DISC1: variants seen among roughly 807,000 people sequenced by gnomAD.
DISC1 encodes DISC1 scaffold protein.
In DISC1, 57 loss-of-function variants were observed where a neutral mutation model predicts 84.5. The observed-to-expected ratio is 0.67, with a 90% CI of 0.55 to 0.84. The LOEUF (loss-of-function observed/expected upper bound fraction) is 0.84, where lower values mean the gene tolerates loss of function less well. Among genes scored for constraint, DISC1 ranks in the 40% least tolerant of loss-of-function variants. The pLI, the probability that DISC1 is intolerant of heterozygous loss-of-function variation, is 0.00. For synonymous variants in DISC1, 411 were observed against 415.2 expected, an observed-to-expected ratio of 0.99 and a Z score of 0.12; for missense variants, 1,000 against 1,057.8, an observed-to-expected ratio of 0.95 and a Z score of 0.76.
At chr1:231,841,386 C>A (rs1452877217) in intron 9 of DISC1, among the ~76,000 whole-genome samples, 1 of 152,228 alleles carries the variant, frequency 6.6e-6, no homozygotes, top group Non-Finnish European at 1.5e-5. Context: ...CTCCCCAGAC[C>A]CTGAATTTCC....
At chr1:232,035,009 A>G (rs910133286) in intron 12 of DISC1, among the ~76,000 whole-genome samples, 3 of 152,212 alleles carry the variant, frequency 2.0e-5, no homozygotes. Context: ...CCCTAGCAGT[A>G]AATGCATGTA....
At chr1:231,669,494 A>C (rs183911033) in intron 1 of DISC1, among the ~76,000 whole-genome samples, 1 of 152,222 alleles carries the variant, frequency 6.6e-6, no homozygotes, top group African/African-American at 2.4e-5. Flanking sequence ...TCTAATATCC[A>C]GCATCTATAG....
intron 1 of DISC1, among the ~76,000 whole-genome samples, 189 bp downstream of exon 1, chr1:231,627,123 C>A (rs2058321149): frequency 2.0e-5 from 3 of 152,190 alleles, no homozygotes; most frequent in Admixed American, 6.5e-5. Flanking sequence ...GGCTGCCAGC[C>A]CGGCACCAGC....
chr1:231,929,104 A>G (rs1035522378), intron 9 of DISC1, among the ~76,000 whole-genome samples: 3 of 152,068 alleles, frequency 2.0e-5, no homozygotes, highest in African/African-American at 7.2e-5. Flanking sequence ...TGAAGTCCTG[A>G]ATATCCTTGT....
At chr1:231,715,196 C>T (rs1426254534) in intron 3 of DISC1, among the ~76,000 whole-genome samples, 3 of 152,060 alleles carry the variant, frequency 2.0e-5, no homozygotes, top group Non-Finnish European at 4.4e-5. Context: ...GAGGTGGGTA[C>T]ATCTGTTAGG....
chr1:231,929,007 G>A (rs1016444791), intron 9 of DISC1, among the ~76,000 whole-genome samples: 4 of 152,226 alleles, frequency 2.6e-5, no homozygotes, highest in African/African-American at 9.6e-5. Flanking sequence ...TAAGTGCGAT[G>A]TGGTGCTGAG....
chr1:231,771,778 A>G (rs2076566865), intron 6 of DISC1: 1 of 174,568 alleles, frequency 5.7e-6, no homozygotes, highest in South Asian at 1.9e-4. Context: ...TGTCTATAAG[A>G]TACACATCTA....
intron 9 of DISC1, among the ~76,000 whole-genome samples, chr1:231,953,758 A>G (rs1658901591): frequency 6.6e-6 from 1 of 152,206 alleles, no homozygotes; most frequent in African/African-American, 2.4e-5. Flanking sequence ...CTAATGTTTG[A>G]CAAACTTTGC....
chr1:231,679,800 C>T (rs1400945629), intron 1 of DISC1, among the ~76,000 whole-genome samples: 3 of 152,214 alleles, frequency 2.0e-5, no homozygotes, highest in Admixed American at 6.5e-5. Flanking sequence ...TTGGTTTAAA[C>T]AGCCTCTTTA....
At chr1:231,947,190 T>A (rs1572255692) in intron 9 of DISC1, among the ~76,000 whole-genome samples, 1 of 151,828 alleles carries the variant, frequency 6.6e-6, no homozygotes, top group African/African-American at 2.4e-5. Flanking sequence ...AGCATCACGC[T>A]ACTTGACTTC....
intron 4 of DISC1, among the ~76,000 whole-genome samples, chr1:231,758,164 C>G (rs1262622124): frequency 2.0e-5 from 3 of 152,010 alleles, no homozygotes; most frequent in African/African-American, 7.2e-5. Context: ...CACAGTGAAC[C>G]TTTTATTGAA....
At chr1:231,817,042 C>T (rs1448348228) in intron 8 of DISC1, among the ~76,000 whole-genome samples, 1 of 151,994 alleles carries the variant, frequency 6.6e-6, no homozygotes, top group Non-Finnish European at 1.5e-5. Context: ...TTCAAAAGTG[C>T]AATCATAGTG....
At chr1:231,819,206 A>G in intron 9 of DISC1, 1 of 839,738 alleles carries the variant, frequency 1.2e-6, no homozygotes, top group Non-Finnish European at 1.4e-6. Flanking sequence ...TACTAAAACA[A>G]ATGAAAGAAA....
At position 232,026,466 on chromosome 1, in the gene DISC1, A is replaced by G; in HGVS notation, c.2339A>G (p.Glu780Gly). 1 of 1,607,500 alleles carries G rather than the reference A, an allele frequency of 6.2e-7. No homozygotes were observed. The highest frequency in any genetic ancestry group is 8.5e-7 in the Non-Finnish European group (1 of 1,176,772). ...ESYILSAELG[E>G]KCEDIGKKLL... ...TACATCCTTTCTGCAGAACTTGGAG[A>G]AAAGTGTGAAGACATAGGCAAGAAG... The change falls in exon 12 of 13, where the codon GAA becomes GGA. Residue 780 changes from glutamate (E) to glycine (G), a missense_variant. Physicochemically the swap from Glu to Gly is moderately conservative, Grantham distance 98. Transcript: ENST00000439617.
chr1:231,773,619 C>T (rs1260399539), intron 6 of DISC1, among the ~76,000 whole-genome samples: 2 of 152,138 alleles, frequency 1.3e-5, no homozygotes, highest in Admixed American at 6.5e-5. Flanking sequence ...TTCCTGACCT[C>T]ATGATCTGCC....
intron 9 of DISC1, 25 bp downstream of exon 9, chr1:231,818,542 G>A (rs771685874): frequency 5.0e-6 from 8 of 1,613,502 alleles, no homozygotes; most frequent in South Asian, 3.3e-5. Flanking sequence ...ACTGTTCCCC[G>A]GCAAGATATT....
chr1:231,743,568 A>G (rs2073596628), intron 3 of DISC1, among the ~76,000 whole-genome samples: 1 of 152,264 alleles, frequency 6.6e-6, no homozygotes, highest in Non-Finnish European at 1.5e-5. Flanking sequence ...TAAAGTATTA[A>G]GAAAGAAATC....
intron 10 of DISC1, among the ~76,000 whole-genome samples, chr1:232,005,521 G>C (rs913626690): frequency 6.6e-6 from 1 of 152,092 alleles, no homozygotes; most frequent in Non-Finnish European, 1.5e-5. Context: ...CTAGGTATGT[G>C]TTTTCTTTGA....
intron 10 of DISC1, among the ~76,000 whole-genome samples, chr1:231,972,790 A>G (rs1662191220): frequency 6.6e-6 from 1 of 152,220 alleles, no homozygotes; most frequent in Non-Finnish European, 1.5e-5. Flanking sequence ...GTCTATGATG[A>G]ACTAGCACTA....
Sources: allele counts gnomAD v4.1 joint callset (sites outside exome capture counted in the v4.1 genomes callset), GRCh38; gene constraint gnomAD v4.1.1; transcripts MANE v1.5; gene names NCBI Gene and HGNC (gene_info 2026-07-23, HGNC 2026-07-21).